KATNIP: variants seen among roughly 807,000 people sequenced by gnomAD.
KATNIP encodes katanin interacting protein.
A neutral mutation model predicts 174.0 loss-of-function variants in KATNIP; 126 were observed. The ratio of observed to expected loss-of-function variants is 0.72; its 90% CI spans 0.63 to 0.84. The LOEUF (loss-of-function observed/expected upper bound fraction) is 0.84, where lower values mean the gene tolerates loss of function less well. KATNIP is among the 40% of genes least tolerant of loss of function. The pLI is 0.00. For synonymous variants in KATNIP, 810 were observed against 835.7 expected (o/e 0.97, Z 0.53); for missense variants, 1,958 against 2,109.7 (o/e 0.93, Z 1.41).
chr16:27,598,034 C>A (rs2075394271), intron 2 of KATNIP, among the ~76,000 whole-genome samples: 1 of 152,056 alleles, frequency 6.6e-6, no homozygotes, highest in African/African-American at 2.4e-5. Flanking sequence ...TCAAGACCAG[C>A]CTGGGCAACA....
chr16:27,631,217 T>A, intron 5 of KATNIP, 55 bp downstream of exon 5: 1 of 1,351,736 alleles, frequency 7.4e-7, no homozygotes, highest in Non-Finnish European at 1.0e-6. Flanking sequence ...TGGGTGGCTG[T>A]GGGAATAGAA....
intron 5 of KATNIP, chr16:27,632,476 G>A: frequency 2.5e-6 from 1 of 395,838 alleles, no homozygotes; most frequent in Non-Finnish European, 5.3e-6. Flanking sequence ...GGATCCCATC[G>A]TCAAAAAATG....
intron 1 of KATNIP, among the ~76,000 whole-genome samples, chr16:27,573,202 G>A (rs187355824): frequency 4.6e-5 from 7 of 152,344 alleles, no homozygotes; most frequent in Admixed American, 1.3e-4. Flanking sequence ...TGACAATAAT[G>A]CAGTGACTCT....
chr16:27,710,035 C>T (rs1027365225), intron 13 of KATNIP, among the ~76,000 whole-genome samples: 1 of 152,136 alleles, frequency 6.6e-6, no homozygotes, highest in Non-Finnish European at 1.5e-5. Context: ...GAGGTGCACA[C>T]TCCACAAACG....
Position 27,717,172 on chromosome 16 carries a change from G to A in KATNIP, c.1606-4386G>A, listed in dbSNP as rs914988891. ...ATGTAGCATTTATGTCATTACCAGA[G>A]TTGGTAACCTTTCTGAGACTCGCTT... On this transcript the variant is annotated intron_variant, in intron 13 of 27. Coordinates refer to ENST00000261588, the MANE Select transcript of KATNIP (RefSeq NM_015202.5). Among the ~76,000 whole-genome samples, 29 of 152,136 alleles carry A rather than the reference G, an allele frequency of 1.9e-4. 1 individual carries two copies. The highest frequency in any genetic ancestry group is 1.6e-3 in the Admixed American group (24 of 15,272).
At chr16:27,700,271 A>C (rs1022269498) in intron 10 of KATNIP, among the ~76,000 whole-genome samples, 1 of 152,114 alleles carries the variant, frequency 6.6e-6, no homozygotes, top group Non-Finnish European at 1.5e-5. Context: ...TGAATAAATA[A>C]ATTTTTTTAT....
chr16:27,651,493 A>C (rs150902298), intron 6 of KATNIP, among the ~76,000 whole-genome samples: 1 of 151,800 alleles, frequency 6.6e-6, no homozygotes, highest in Non-Finnish European at 1.5e-5. Flanking sequence ...TGCAAGCGCA[A>C]CCTGAAATGG....
intron 14 of KATNIP, among the ~76,000 whole-genome samples, chr16:27,723,402 C>T (rs2080315535): frequency 6.6e-6 from 1 of 151,678 alleles, no homozygotes; most frequent in Admixed American, 6.6e-5. Context: ...TCTCACTCAA[C>T]TCAGAATGCC....
intron 10 of KATNIP, among the ~76,000 whole-genome samples, chr16:27,700,723 A>T: frequency 6.6e-6 from 1 of 152,180 alleles, no homozygotes; most frequent in East Asian, 1.9e-4. Flanking sequence ...AGGAGCAGGA[A>T]GAAGCCCTTT....
At chr16:27,757,331 C>G (rs1180685792) in intron 18 of KATNIP, among the ~76,000 whole-genome samples, 3 of 152,294 alleles carry the variant, frequency 2.0e-5, no homozygotes, top group Non-Finnish European at 4.4e-5. Flanking sequence ...AACAGATTGG[C>G]CAGGCCTGGA....
intron 1 of KATNIP, among the ~76,000 whole-genome samples, chr16:27,558,039 G>T (rs2089702238): frequency 6.6e-6 from 1 of 152,160 alleles, no homozygotes. Flanking sequence ...TCACTCCTAG[G>T]CCTGTCAGCA....
Position 27,661,933 on chromosome 16 carries a change from TATATATATATATATATATATATAC to T in KATNIP, c.540+13200_540+13223del, listed in dbSNP as rs1567269023. 1.5e-4 allele frequency among the ~76,000 whole-genome samples: 9 copies of T among 58,902 alleles called. 1 individual carries two copies. Among genetic ancestry groups the T allele is most frequent in the African/African-American group, 6.2e-4 (9 of 14,440 alleles). 38.6% of individuals were successfully genotyped at this position (58,902 alleles called of 152,430 possible). A position where few individuals can be genotyped will look rare whatever the true frequency, so the allele number is the denominator to read the frequency against. The stretch of plus-strand genomic sequence containing the variant: ...GCTAATATATATATATATATATATA[TATATATATATATATATATATATAC>T]ACATACATATATATATATATATATA... On this transcript the variant is annotated intron_variant, in intron 6 of 27. Transcript: ENST00000261588.
chr16:27,733,715 G>A (rs1486663943), intron 14 of KATNIP, among the ~76,000 whole-genome samples: 2 of 151,994 alleles, frequency 1.3e-5, no homozygotes, highest in Admixed American at 1.3e-4. Flanking sequence ...AGAGCCTGGG[G>A]TTAAAGCCCT....
chr16:27,675,821 G>A lies in KATNIP; in HGVS notation c.541-1908G>A, dbSNP rs755220660. On this transcript the variant is annotated intron_variant, in intron 6 of 27. Coordinates refer to ENST00000261588, the MANE Select transcript of KATNIP (RefSeq NM_015202.5). ...GCTCCATTAGACAAGGGACTCCTCTGCAAATCTTTCCTGGAAAATCCCCTC... is the reference window on the plus strand; with the variant it reads ...GCTCCATTAGACAAGGGACTCCTCTACAAATCTTTCCTGGAAAATCCCCTC... 1.5e-4 allele frequency among the ~76,000 whole-genome samples: 23 copies of A among 152,152 alleles called. 1 individual carries two copies. Among genetic ancestry groups the A allele is most frequent in the Non-Finnish European group, 2.8e-4 (19 of 68,028 alleles).
At chr16:27,759,290 A>C (rs1397031371) in intron 18 of KATNIP, among the ~76,000 whole-genome samples, 2 of 152,176 alleles carry the variant, frequency 1.3e-5, no homozygotes, top group East Asian at 3.9e-4. Flanking sequence ...GCTATAAACA[A>C]CAAGGCGAGC....
At chr16:27,755,879 C>A (rs2081702202) in intron 18 of KATNIP, 2 of 152,292 alleles carry the variant, frequency 1.3e-5, no homozygotes, top group African/African-American at 4.8e-5. Context: ...GTGATCCACA[C>A]ACCTTGGCCT....
At chr16:27,778,073 T>C (rs578162129) in intron 27 of KATNIP, 104 bp downstream of exon 27, 57 of 975,786 alleles carry the variant, frequency 5.8e-5, no homozygotes, top group Non-Finnish European at 8.3e-5. Context: ...TGCCTGCCCC[T>C]AGACCGCTCT....
At chr16:27,734,392 A>AT (rs1421185381) in intron 14 of KATNIP, among the ~76,000 whole-genome samples, 1 of 121,194 alleles carries the variant, frequency 8.3e-6, no homozygotes, top group East Asian at 2.2e-4. Context: ...ATAGGGACTT[A>AT]TTTAAAAAAA....
intron 2 of KATNIP, among the ~76,000 whole-genome samples, chr16:27,611,466 T>G (rs2075888145): frequency 6.6e-6 from 1 of 152,204 alleles, no homozygotes; most frequent in South Asian, 2.1e-4. Flanking sequence ...ACATAGTAAG[T>G]GCTAAGTCAA....
Sources: allele counts gnomAD v4.1 joint callset (sites outside exome capture counted in the v4.1 genomes callset), GRCh38; gene constraint gnomAD v4.1.1; transcripts MANE v1.5; gene names NCBI Gene and HGNC (gene_info 2026-07-23, HGNC 2026-07-21).